The following ZNF33A variants were observed in gnomAD, a reference collection of about 807,000 sequenced individuals.
ZNF33A encodes brain my041 protein.
Under a neutral mutation model 15.9 loss-of-function variants are expected in ZNF33A, and 9 were observed. The observed-to-expected ratio is 0.57, with a 90% CI of 0.34 to 0.99. The LOEUF is 0.99. Among genes scored for constraint, ZNF33A ranks in the 50% least tolerant of loss-of-function variants. ZNF33A has a pLI of 0.02. For missense variants in ZNF33A, 843 were observed against 941.6 expected (o/e 0.90, Z 1.37); for synonymous variants, 294 against 324.2 (o/e 0.91, Z 1.00).
chr10:38,034,137 C>T (rs759439759), intron 4 of ZNF33A, among the ~76,000 whole-genome samples: 5 of 152,104 alleles, frequency 3.3e-5, no homozygotes, highest in Non-Finnish European at 5.9e-5. Flanking sequence ...TGCCATTTAC[C>T]CAGTTTCTGC....
downstream of ZNF33A, chr10:38,064,183 G>A: frequency 6.8e-7 from 1 of 1,476,226 alleles, no homozygotes; most frequent in South Asian, 1.2e-5. Flanking sequence ...AAGATCCATG[G>A]CCTTCCCTTC....
intron 2 of ZNF33A, chr10:38,016,129 A>G (rs2135544625): frequency 1.5e-6 from 1 of 688,998 alleles, no homozygotes; most frequent in East Asian, 3.4e-5. Context: ...AGAACCCAGA[A>G]TATGTATTGC....
chr10:38,049,423 ATCTT>A (rs147959458), intron 4 of ZNF33A, among the ~76,000 whole-genome samples: 2,262 of 151,970 alleles, frequency 0.015, 22 homozygotes, highest in Non-Finnish European at 0.025. Flanking sequence ...TTGATTTGAG[ATCTT>A]TCTTAGGCAA....
chr10:38,019,144 C>T (rs999992376), intron 4 of ZNF33A, among the ~76,000 whole-genome samples: 1 of 151,426 alleles, frequency 6.6e-6, no homozygotes, highest in Non-Finnish European at 1.5e-5. Flanking sequence ...ACTCCCCCCA[C>T]CCCGTAACAG....
intron 4 of ZNF33A, among the ~76,000 whole-genome samples, chr10:38,042,873 T>G (rs1216798565): frequency 2.0e-5 from 3 of 152,202 alleles, no homozygotes; most frequent in East Asian, 3.9e-4. Flanking sequence ...TTAAATACAT[T>G]GCATTTTTAT....
upstream of ZNF33A, chr10:38,010,514 A>G (rs2064117673): frequency 3.1e-6 from 2 of 651,596 alleles, no homozygotes; most frequent in South Asian, 1.7e-5. Context: ...TCCAGCACCA[A>G]CTCAGACCGC....
At chr10:38,030,196 G>T (rs942713906) in intron 4 of ZNF33A, among the ~76,000 whole-genome samples, 5 of 152,164 alleles carry the variant, frequency 3.3e-5, no homozygotes, top group Non-Finnish European at 5.9e-5. Context: ...TAGTTTGTCA[G>T]TTCCATTTAA....
At chr10:38,028,669 T>C (rs2065087090) in intron 4 of ZNF33A, among the ~76,000 whole-genome samples, 3 of 152,294 alleles carry the variant, frequency 2.0e-5, no homozygotes, top group East Asian at 1.9e-4. Flanking sequence ...AGTTTTGCTG[T>C]GTTGGCCAGG....
At chr10:38,030,647 G>A (rs1438079658) in intron 4 of ZNF33A, among the ~76,000 whole-genome samples, 1 of 152,170 alleles carries the variant, frequency 6.6e-6, no homozygotes, top group African/African-American at 2.4e-5. Flanking sequence ...CTCCTAAGGA[G>A]ATCTAAATGT....
intron 4 of ZNF33A, among the ~76,000 whole-genome samples, chr10:38,047,192 A>C (rs1472304954): frequency 3.0e-4 from 29 of 96,344 alleles, no homozygotes; most frequent in African/African-American, 9.0e-4. Flanking sequence ...ACCCCTGCCA[A>C]AAAAAAAAAA....
chr10:38,061,641 A>C (rs1464023073), downstream of ZNF33A, among the ~76,000 whole-genome samples: 3 of 152,042 alleles, frequency 2.0e-5, no homozygotes, highest in Non-Finnish European at 2.9e-5. Context: ...GCCCCCTCCA[A>C]AAGTCATGTT....
rs2066557515 is a variant in ZNF33A at position 38,058,078 on chromosome 10, T to C, written c.*1518T>C. The C allele has an allele frequency of 4.1e-6, 4 of 980,978 alleles. No homozygotes were observed. Among genetic ancestry groups the C allele is most frequent in the Admixed American group, 6.2e-5 (1 of 16,244 alleles). The allele number at this position is 980,978 out of a possible 1,614,324, so 60.8% of individuals were successfully genotyped here. ...TAGTGATCCTAGATTACACAAGTAATCTAAGCTTCCACTTTAGGAAACTAG... is the reference window on the plus strand; with the variant it reads ...TAGTGATCCTAGATTACACAAGTAACCTAAGCTTCCACTTTAGGAAACTAG... On this transcript the variant is annotated 3_prime_UTR_variant, in exon 5 of 5. Transcript: ENST00000432900.
intron 2 of ZNF33A, among the ~76,000 whole-genome samples, chr10:38,014,035 ATT>A (rs10658326): frequency 1.7e-3 from 139 of 80,354 alleles, no homozygotes; most frequent in African/African-American, 6.9e-3. Context: ...ATGATGTCTG[ATT>A]TTTTTTTTTT....
intron 4 of ZNF33A, among the ~76,000 whole-genome samples, chr10:38,032,239 A>G (rs1353834486): frequency 6.6e-6 from 1 of 152,188 alleles, no homozygotes; most frequent in African/African-American, 2.4e-5. Flanking sequence ...TACTAAAAAA[A>G]GTTAGTTTAG....
In ZNF33A at chr10:38,055,853, G is replaced by C. The variant is rs200961198; in HGVS notation, c.1729G>C (p.Gly577Arg). The C allele has an allele frequency of 1.3e-5, 21 of 1,613,524 alleles. No homozygotes were observed. Among genetic ancestry groups the C allele is most frequent in the Admixed American group, 3.3e-5 (2 of 60,004 alleles). Residue 577 changes from glycine (G) to arginine (R), a missense_variant, in exon 5 of 5, where the codon GGG (glycine) becomes CGG (arginine). Transcript: ENST00000432900. ...CTCTCAACATTATAGAACACACACA[G>C]GGGAGAAACCCTACGAATGTCATGA... Reference protein sequence around the residue: ...TLSQHYRTHTGEKPYECHECG... With the variant: ...TLSQHYRTHTREKPYECHECG...
intron 4 of ZNF33A, among the ~76,000 whole-genome samples, chr10:38,037,159 GC>G (rs2065488138): frequency 6.6e-6 from 1 of 152,038 alleles, no homozygotes; most frequent in Non-Finnish European, 1.5e-5. Flanking sequence ...TATCCCCAGG[GC>G]ATGAAGATCC....
intron 4 of ZNF33A, among the ~76,000 whole-genome samples, chr10:38,032,779 A>G (rs2065269443): frequency 6.9e-6 from 1 of 145,244 alleles, no homozygotes; most frequent in Non-Finnish European, 1.5e-5. Context: ...ACAGAATCTT[A>G]CTCTGTCGCT....
At chr10:38,064,288 G>T (rs1291044787), downstream of ZNF33A, 1 of 611,030 alleles carries the variant, frequency 1.6e-6, no homozygotes, top group African/African-American at 1.9e-5. Flanking sequence ...AACAAATCTG[G>T]AAACAGCCTA....
chr10:38,060,967 A>G (rs1403230609), downstream of ZNF33A, among the ~76,000 whole-genome samples: 1 of 152,102 alleles, frequency 6.6e-6, no homozygotes, highest in African/African-American at 2.4e-5. Flanking sequence ...CCTGTTTGGC[A>G]GGTGGTCTCT....
Sources: gnomAD v4.1 joint callset for allele counts (sites outside exome capture counted in the v4.1 genomes callset) on GRCh38, gnomAD v4.1.1 for gene constraint, MANE v1.5 for transcripts, NCBI Gene and HGNC (gene_info 2026-07-23, HGNC 2026-07-21) for gene names.